The following FSTL4 variants were observed in gnomAD, a reference collection of about 807,000 sequenced individuals.
FSTL4 encodes follistatin like 4.
FSTL4 carries 28 observed loss-of-function variants against 78.2 expected under a neutral mutation model. The observed-to-expected ratio is 0.36, with a 90% CI of 0.27 to 0.49. FSTL4 has a LOEUF of 0.49. FSTL4 is among the 20% of genes least tolerant of loss of function. The pLI, the probability that FSTL4 is intolerant of heterozygous loss-of-function variation, is 0.98. For synonymous variants in FSTL4, 422 were observed against 440.5 expected (o/e 0.96, Z 0.53); for missense variants, 922 against 1,084.9 (o/e 0.85, Z 2.11).
chr5:133,582,332 G>A (rs1760432807), intron 2 of FSTL4, among the ~76,000 whole-genome samples: 1 of 152,184 alleles, frequency 6.6e-6, no homozygotes, highest in African/African-American at 2.4e-5. Flanking sequence ...TAACCTCCAG[G>A]AGCTTCAGTT....
At chr5:133,284,046 A>G (rs1278933795) in intron 6 of FSTL4, among the ~76,000 whole-genome samples, 1 of 152,216 alleles carries the variant, frequency 6.6e-6, no homozygotes, top group East Asian at 1.9e-4. Flanking sequence ...ACCTCCCATC[A>G]GGTCCCTCCC....
chr5:133,580,968 C>A (rs1345846267), intron 2 of FSTL4, among the ~76,000 whole-genome samples: 3 of 152,176 alleles, frequency 2.0e-5, no homozygotes, highest in African/African-American at 7.2e-5. Context: ...TGAACCTCCA[C>A]CATGTGTGCC....
chr5:133,635,695 G>A, the FSTL4 span, among the ~76,000 whole-genome samples: 2 of 152,192 alleles, frequency 1.3e-5, no homozygotes, highest in Non-Finnish European at 2.9e-5. Context: ...CCCAGGAGAC[G>A]GAGGTTGCGT....
At chr5:133,233,862 C>T (rs1166358470) in intron 7 of FSTL4, among the ~76,000 whole-genome samples, 2 of 152,150 alleles carry the variant, frequency 1.3e-5, no homozygotes, top group African/African-American at 2.4e-5. Context: ...CCCCATTTAC[C>T]GGCTGCCTGC....
the FSTL4 span, among the ~76,000 whole-genome samples, chr5:133,805,968 GT>G: frequency 2.6e-5 from 4 of 152,264 alleles, no homozygotes; most frequent in Admixed American, 6.5e-5. Context: ...GAAGGTTCCA[GT>G]TCACCAAGTT....
At chr5:133,325,398 C>T (rs1374668477) in intron 4 of FSTL4, among the ~76,000 whole-genome samples, 2 of 152,148 alleles carry the variant, frequency 1.3e-5, no homozygotes, top group Non-Finnish European at 2.9e-5. Context: ...CATGAGTCTC[C>T]GGGGTGCTGG....
intron 4 of FSTL4, among the ~76,000 whole-genome samples, chr5:133,323,278 A>T (rs565213654): frequency 1.3e-4 from 20 of 152,258 alleles, no homozygotes; most frequent in Non-Finnish European, 2.5e-4. Context: ...CTATCTTCAC[A>T]TGGGGATAAT....
intron 3 of FSTL4, among the ~76,000 whole-genome samples, chr5:133,453,149 C>T (rs1757415651): frequency 6.6e-6 from 1 of 152,210 alleles, no homozygotes; most frequent in Non-Finnish European, 1.5e-5. Flanking sequence ...TTCTATGTCA[C>T]TCTTCTTCTA....
the FSTL4 span, among the ~76,000 whole-genome samples, chr5:133,749,962 TGTGTTCTGCAGAGGGGAA>T: frequency 6.6e-6 from 1 of 152,204 alleles, no homozygotes; most frequent in African/African-American, 2.4e-5. Flanking sequence ...TTAAGTTAAA[TGTGTTCTGCAGAGGGGAA>T]CAGGCCACAG....
chr5:133,731,434 G>T, the FSTL4 span, among the ~76,000 whole-genome samples: 1 of 152,182 alleles, frequency 6.6e-6, no homozygotes, highest in Non-Finnish European at 1.5e-5. Flanking sequence ...GGAACCAGAT[G>T]TCAAGAGATA....
intron 4 of FSTL4, among the ~76,000 whole-genome samples, chr5:133,350,156 G>A (rs953189841): frequency 2.0e-5 from 3 of 150,528 alleles, no homozygotes; most frequent in Non-Finnish European, 4.4e-5. Flanking sequence ...TGGACTTTAT[G>A]TTTGTCAGGC....
the FSTL4 span, among the ~76,000 whole-genome samples, chr5:133,664,701 G>A: frequency 6.6e-6 from 1 of 152,180 alleles, no homozygotes; most frequent in African/African-American, 2.4e-5. Flanking sequence ...AGTTCTCAAT[G>A]AACTAGCTAT....
intron 6 of FSTL4, among the ~76,000 whole-genome samples, chr5:133,265,324 A>C (rs1236360128): frequency 3.3e-5 from 5 of 152,160 alleles, no homozygotes; most frequent in African/African-American, 1.2e-4. Context: ...GCCACCAGGG[A>C]GGGCACCACC....
the FSTL4 span, among the ~76,000 whole-genome samples, chr5:133,787,781 C>T: frequency 1.3e-5 from 2 of 152,214 alleles, no homozygotes; most frequent in African/African-American, 4.8e-5. Flanking sequence ...TCACTCTGCC[C>T]TTCCCACTTA....
At chr5:133,458,291 G>C (rs1184751500) in intron 3 of FSTL4, 1 of 152,166 alleles carries the variant, frequency 6.6e-6, no homozygotes, top group African/African-American at 2.4e-5. Context: ...CAAGAAAAAA[G>C]TTATTTATGT....
At chr5:133,759,642 T>A in the FSTL4 span, among the ~76,000 whole-genome samples, 3 of 152,192 alleles carry the variant, frequency 2.0e-5, no homozygotes, top group Non-Finnish European at 4.4e-5. Flanking sequence ...ACAAAAACAT[T>A]TGTACCATAT....
the FSTL4 span, among the ~76,000 whole-genome samples, chr5:133,707,324 G>C: frequency 2.6e-5 from 4 of 152,194 alleles, no homozygotes; most frequent in Non-Finnish European, 5.9e-5. Flanking sequence ...CATGGTCTAG[G>C]AGGCTGATGA....
At chr5:133,357,421 T>C (rs920429417) in intron 4 of FSTL4, among the ~76,000 whole-genome samples, 8 of 152,110 alleles carry the variant, frequency 5.3e-5, no homozygotes, top group East Asian at 1.9e-4. Context: ...GAGATGCTGA[T>C]AGATATTCAT....
At chr5:133,632,678 T>C in the FSTL4 span, among the ~76,000 whole-genome samples, 2 of 150,226 alleles carry the variant, frequency 1.3e-5, no homozygotes, top group South Asian at 4.2e-4. Context: ...GTTTTTTGTT[T>C]GTTTTTTTTG....
Sources: gnomAD v4.1 joint callset for allele counts (sites outside exome capture counted in the v4.1 genomes callset) on GRCh38, gnomAD v4.1.1 for gene constraint, MANE v1.5 for transcripts, NCBI Gene and HGNC (gene_info 2026-07-23, HGNC 2026-07-21) for gene names.